Variants in MAF observed in about 807,000 individuals in gnomAD.
The protein encoded by MAF is MAF bZIP transcription factor.
Under a neutral mutation model 22.0 loss-of-function variants are expected in MAF, and 10 were observed. The observed-to-expected ratio is 0.45, with a 90% CI of 0.28 to 0.77. The LOEUF is 0.77. Ranked by LOEUF, MAF falls within the 30% of genes least tolerant of loss-of-function variation. MAF has a pLI of 0.12. For missense variants in MAF, 544 were observed against 548.4 expected, an observed-to-expected ratio of 0.99 and a Z score of 0.08; for synonymous variants, 337 against 255.8, an observed-to-expected ratio of 1.32 and a Z score of -3.03.
chr16:79,487,206 CAAAAA>C, the MAF span, among the ~76,000 whole-genome samples: 1 of 131,750 alleles, frequency 7.6e-6, no homozygotes, highest in African/African-American at 2.8e-5. Context: ...TGAACTAGTG[CAAAAA>C]AAAAAAAAAA....
chr16:79,278,017 A>G, the MAF span, among the ~76,000 whole-genome samples: 1 of 152,200 alleles, frequency 6.6e-6, no homozygotes, highest in Non-Finnish European at 1.5e-5. Flanking sequence ...GGCCTGGAAA[A>G]GTGCATTTTA....
At chr16:79,537,845 T>G in the MAF span, among the ~76,000 whole-genome samples, 2 of 152,228 alleles carry the variant, frequency 1.3e-5, no homozygotes, top group Non-Finnish European at 2.9e-5. Context: ...CGCCGTTGAT[T>G]GAGCACCTTC....
the MAF span, among the ~76,000 whole-genome samples, chr16:79,435,994 G>C: frequency 6.6e-6 from 1 of 152,226 alleles, no homozygotes; most frequent in African/African-American, 2.4e-5. Flanking sequence ...TAGGCATGCG[G>C]TTGGAGAAGA....
At chr16:79,555,996 TGTTTA>T in the MAF span, among the ~76,000 whole-genome samples, 1 of 149,750 alleles carries the variant, frequency 6.7e-6, no homozygotes, top group African/African-American at 2.4e-5. Context: ...AGTTTAGTGA[TGTTTA>T]GTTTGTTTTG....
chr16:79,593,236 C>T (rs1913289308), downstream of MAF, among the ~76,000 whole-genome samples: 1 of 152,106 alleles, frequency 6.6e-6, no homozygotes, highest in Non-Finnish European at 1.5e-5. Context: ...TAAACGAAAA[C>T]AACGGCCACA....
At chr16:79,382,476 C>A in the MAF span, among the ~76,000 whole-genome samples, 1 of 152,202 alleles carries the variant, frequency 6.6e-6, no homozygotes, top group Non-Finnish European at 1.5e-5. Context: ...GCAACTGCAA[C>A]TGAGGAACTA....
chr16:79,361,234 C>T, the MAF span, among the ~76,000 whole-genome samples: 1 of 152,140 alleles, frequency 6.6e-6, no homozygotes, highest in African/African-American at 2.4e-5. Context: ...ATTAGGAGAG[C>T]TGAGGGTGTC....
the MAF span, among the ~76,000 whole-genome samples, chr16:79,216,401 G>A: frequency 6.6e-6 from 1 of 152,172 alleles, no homozygotes; most frequent in East Asian, 1.9e-4. Context: ...CCTAACTCAT[G>A]ATGGTTTGAC....
chr16:79,278,875 C>A, the MAF span, among the ~76,000 whole-genome samples: 1 of 151,992 alleles, frequency 6.6e-6, no homozygotes, highest in Non-Finnish European at 1.5e-5. Context: ...CTACTGAACA[C>A]GTCTATTAAT....
the MAF span, among the ~76,000 whole-genome samples, chr16:79,529,207 G>A: frequency 2.0e-5 from 3 of 152,082 alleles, no homozygotes; most frequent in East Asian, 3.9e-4. Context: ...ACTCCAGCTG[G>A]TCTCTCACTC....
At chr16:79,432,670 A>T in the MAF span, among the ~76,000 whole-genome samples, 4 of 152,198 alleles carry the variant, frequency 2.6e-5, no homozygotes, top group Non-Finnish European at 4.4e-5. Flanking sequence ...AGTAGTTAAG[A>T]TGAAGTCATA....
the MAF span, among the ~76,000 whole-genome samples, chr16:79,489,961 C>T: frequency 6.6e-6 from 1 of 152,028 alleles, no homozygotes; most frequent in African/African-American, 2.4e-5. Context: ...TAGAAATGCT[C>T]AGGAGGTAGA....
chr16:79,508,861 G>A, the MAF span, among the ~76,000 whole-genome samples: 1 of 152,174 alleles, frequency 6.6e-6, no homozygotes, highest in Non-Finnish European at 1.5e-5. Context: ...AAGGCTCGGG[G>A]AGAGGGAATG....
chr16:79,525,127 C>A, the MAF span, among the ~76,000 whole-genome samples: 1 of 151,678 alleles, frequency 6.6e-6, no homozygotes, highest in African/African-American at 2.4e-5. Context: ...CTTTTTTTTT[C>A]CCTGTGAGCT....
the MAF span, among the ~76,000 whole-genome samples, chr16:79,517,966 T>C: frequency 6.6e-6 from 1 of 152,220 alleles, no homozygotes; most frequent in East Asian, 1.9e-4. Context: ...CCTACAGCTC[T>C]GCTTCTTTTG....
At chr16:79,236,123 G>C in the MAF span, among the ~76,000 whole-genome samples, 12 of 152,060 alleles carry the variant, frequency 7.9e-5, no homozygotes, top group Non-Finnish European at 1.5e-4. Context: ...ACAGCTAGAA[G>C]AATATTTTAC....
At chr16:79,207,569 C>T in the MAF span, among the ~76,000 whole-genome samples, 1 of 152,354 alleles carries the variant, frequency 6.6e-6, no homozygotes, top group East Asian at 1.9e-4. Flanking sequence ...CATCTACTCT[C>T]TCACAATCAT....
chr16:79,323,632 C>T, the MAF span, among the ~76,000 whole-genome samples: 3 of 152,168 alleles, frequency 2.0e-5, no homozygotes, highest in Non-Finnish European at 4.4e-5. Flanking sequence ...GGGACCGTAC[C>T]TTGCGGCAAG....
At chr16:79,423,321 T>G in the MAF span, among the ~76,000 whole-genome samples, 8 of 152,062 alleles carry the variant, frequency 5.3e-5, no homozygotes, top group Admixed American at 1.3e-4. Context: ...GGGAATGAAT[T>G]TGGCTTGTCT....
Sources: gnomAD v4.1 joint callset for allele counts (sites outside exome capture counted in the v4.1 genomes callset) on GRCh38, gnomAD v4.1.1 for gene constraint, MANE v1.5 for transcripts, NCBI Gene and HGNC (gene_info 2026-07-23, HGNC 2026-07-21) for gene names.